The following OR5C1 variants were observed in gnomAD, a reference collection of about 807,000 sequenced individuals.
OR5C1 encodes olfactory receptor 5C1.
For missense variants in OR5C1, 433 were observed against 426.5 expected, an observed-to-expected ratio of 1.02 and a Z score of -0.13; for synonymous variants, 184 against 181.5, an observed-to-expected ratio of 1.01 and a Z score of -0.11.
At position 122,789,588 on chromosome 9, in the gene OR5C1, C is replaced by T. The variant is rs772591814; in HGVS notation, c.656C>T (p.Thr219Met). Reference sequence around the variant, plus strand: ...CAGACAGCCACGGTGTTAGCTATCACGGTGTCTTATGGCTTCATCGCTGGG... The same window carrying T: ...CAGACAGCCACGGTGTTAGCTATCATGGTGTCTTATGGCTTCATCGCTGGG... ...FIQTATVLAI[T>M]VSYGFIAGAV... Residue 219 changes from threonine to methionine, a missense_variant, in exon 1 of 1, where the codon ACG becomes ATG. Physicochemically the swap from Thr to Met is moderately conservative, Grantham distance 81 (BLOSUM62 -1). Coordinates refer to ENST00000373680, the MANE Select transcript of OR5C1 (RefSeq NM_001001923.1). 45 of 1,613,892 alleles carry T rather than the reference C, an allele frequency of 2.8e-5. No individual in the cohort carries two copies. Among genetic ancestry groups the T allele is most frequent in the South Asian group, 1.9e-4 (17 of 91,062 alleles).
Position 122,789,399 on chromosome 9 carries a change from G to T in OR5C1, c.467G>T (p.Gly156Val). ...LALLGASGLG[G>V]AVSAFVHTTL... ...TTGCTGGGAGCATCAGGCCTGGGTG[G>T]GGCAGTGAGTGCCTTTGTTCACACA... is the stretch of plus-strand genomic sequence containing the variant. Residue 156 changes from glycine (G) to valine (V), a missense_variant, in exon 1 of 1, where the codon GGG becomes GTG. Transcript: ENST00000373680. The T allele has an allele frequency of 6.2e-7, 1 of 1,612,888 alleles. No individual in the cohort carries two copies. Among genetic ancestry groups the T allele is most frequent in the Admixed American group, 1.7e-5 (1 of 59,962 alleles).
rs749514046 is a variant in OR5C1, at chr9:122,788,980, C to A, written c.48C>A (p.Phe16Leu). Reference protein sequence around the residue: ...LTRAAVAPAEFVLLGITNRWD... With the variant: ...LTRAAVAPAELVLLGITNRWD... Reference sequence around the variant, plus strand: ...GGGCCGCGGTTGCCCCTGCTGAATTCGTCCTCCTGGGCATCACAAATCGCT... The same window carrying A: ...GGGCCGCGGTTGCCCCTGCTGAATTAGTCCTCCTGGGCATCACAAATCGCT... The change falls in exon 1 of 1, where the codon TTC (phenylalanine) becomes TTA (leucine). Residue 16 changes from phenylalanine (F) to leucine (L), a missense_variant. By Grantham distance (22) the Phe-to-Leu change is conservative. Transcript: ENST00000373680. The A allele has an allele frequency of 6.2e-7, 1 of 1,604,102 alleles. No individual in the cohort carries two copies. The highest frequency in any genetic ancestry group is 8.5e-7 in the Non-Finnish European group (1 of 1,174,812).
chr9:122,789,399 G>C lies in OR5C1; in HGVS notation c.467G>C (p.Gly156Ala). ...TTGCTGGGAGCATCAGGCCTGGGTG[G>C]GGCAGTGAGTGCCTTTGTTCACACA... ...LALLGASGLG[G>A]AVSAFVHTTL... Residue 156 changes from glycine to alanine, a missense_variant, in exon 1 of 1, where the codon GGG becomes GCG. By Grantham distance (60) the Gly-to-Ala change is moderately conservative. Coordinates refer to ENST00000373680, the MANE Select transcript of OR5C1 (RefSeq NM_001001923.1). 6.2e-7 allele frequency: 1 copy of C among 1,612,888 alleles called. No individual in the cohort carries two copies. Among genetic ancestry groups the C allele is most frequent in the Non-Finnish European group, 8.5e-7 (1 of 1,179,138 alleles).
At position 122,789,558 on chromosome 9, in the gene OR5C1, T is replaced by C; in HGVS notation, c.626T>C (p.Phe209Ser). 6.2e-7 allele frequency: 1 copy of C among 1,614,108 alleles called. No individual in the cohort carries two copies. Among genetic ancestry groups the C allele is most frequent in the Non-Finnish European group, 8.5e-7 (1 of 1,179,968 alleles). The change falls in exon 1 of 1, where the codon TTC becomes TCC. Residue 209 changes from phenylalanine (F) to serine (S), a missense_variant. Physicochemically the swap from Phe to Ser is radical, Grantham distance 155. Coordinates refer to ENST00000373680, the MANE Select transcript of OR5C1 (RefSeq NM_001001923.1). Reference sequence around the variant, plus strand: ...CTCCTTCTCTTCGCCATCTGTGGCTTCATCCAGACAGCCACGGTGTTAGCT... The same window carrying C: ...CTCCTTCTCTTCGCCATCTGTGGCTCCATCCAGACAGCCACGGTGTTAGCT... Reference protein sequence around the residue: ...NELLLFAICGFIQTATVLAIT... With the variant: ...NELLLFAICGSIQTATVLAIT...
chr9:122,789,734 T>C lies in OR5C1; in HGVS notation c.802T>C (p.Ser268Pro). 6.2e-7 allele frequency: 1 copy of C among 1,609,392 alleles called. No homozygotes were observed. Among genetic ancestry groups the C allele is most frequent in the Non-Finnish European group, 8.5e-7 (1 of 1,177,566 alleles). Residue 268 changes from serine (S) to proline (P), a missense_variant, in exon 1 of 1, where the codon TCC becomes CCC. Coordinates refer to ENST00000373680, the MANE Select transcript of OR5C1 (RefSeq NM_001001923.1). Reference sequence around the variant, plus strand: ...CATTTTCATGTACCTGCGCCCCAGCTCCAGCTATGCCCTGGACACTGACAA... The same window carrying C: ...CATTTTCATGTACCTGCGCCCCAGCCCCAGCTATGCCCTGGACACTGACAA... ...TLIFMYLRPS[S>P]SYALDTDKMA... is the part of the protein sequence containing the mutation.
Position 122,789,124 on chromosome 9 carries a change from C to A in OR5C1, c.192C>A (p.Tyr64Ter). ...RMDARLHTPMYFFLANLSLLD... is the reference protein window; with the variant it reads ...RMDARLHTPM ...ATGCCCGGCTCCACACACCTATGTA[C>A]TTCTTCCTGGCCAACCTCTCCCTGC... is the stretch of plus-strand genomic sequence containing the variant. Residue 64 changes from tyrosine (Y) to a stop codon, truncating the protein, a stop_gained, in exon 1 of 1, where the codon TAC (tyrosine) becomes TAA (stop). Coordinates refer to ENST00000373680, the MANE Select transcript of OR5C1 (RefSeq NM_001001923.1). LOFTEE classifies it low-confidence loss of function (END_TRUNC). The A allele has an allele frequency of 1.2e-6, 2 of 1,613,584 alleles. No homozygotes were observed. Among genetic ancestry groups the A allele is most frequent in the Non-Finnish European group, 1.7e-6 (2 of 1,179,728 alleles).
Position 122,789,436 on chromosome 9 carries a change from C to T in OR5C1, c.504C>T (p.Phe168=). The change falls in exon 1 of 1, where the codon TTC becomes TTT. Residue 168 remains phenylalanine (F), a synonymous_variant. Coordinates refer to ENST00000373680, the MANE Select transcript of OR5C1 (RefSeq NM_001001923.1). ...CCTTTGTTCACACAACCCTCACCTT[C>T]CGCCTGAGCTTCTGCCGCTCCCGGA... The part of the protein sequence containing the change: ...VSAFVHTTLT[F]RLSFCRSRKI... 6.2e-7 allele frequency: 1 copy of T among 1,613,666 alleles called. No individual in the cohort carries two copies. The highest frequency in any genetic ancestry group is 8.5e-7 in the Non-Finnish European group (1 of 1,179,732).
At position 122,789,313 on chromosome 9, in the gene OR5C1, C is replaced by T. The variant is rs773564307; in HGVS notation, c.381C>T (p.Tyr127=). ...TGGCAGCCATGGCCTATGACCGCTACGTGGCCATCAGAAACCCACTTCTCT... is the reference window on the plus strand; with the variant it reads ...TGGCAGCCATGGCCTATGACCGCTATGTGGCCATCAGAAACCCACTTCTCT... The part of the protein sequence containing the change: ...CLLAAMAYDR[Y]VAIRNPLLYT... Residue 127 remains tyrosine, a synonymous_variant, in exon 1 of 1, where the codon TAC becomes TAT. Transcript: ENST00000373680. 2.7e-5 allele frequency: 43 copies of T among 1,614,082 alleles called. No homozygotes were observed. The highest frequency in any genetic ancestry group is 1.8e-4 in the Admixed American group (11 of 60,022).
rs764398782 is a variant in OR5C1, at chr9:122,789,864, G to A, written c.932G>A (p.Arg311Gln). 21 of 1,562,996 alleles carry A rather than the reference G, an allele frequency of 1.3e-5. No homozygotes were observed. Among genetic ancestry groups the A allele is most frequent in the South Asian group, 3.7e-5 (3 of 80,298 alleles). The change falls in exon 1 of 1, where the codon CGA (arginine) becomes CAA (glutamine). Residue 311 changes from arginine to glutamine, a missense_variant. Transcript: ENST00000373680. The stretch of plus-strand genomic sequence containing the variant: ...GAGGCCCTCAGGCAGACCTGGAGCC[G>A]ATTCCACTGTCCAGGGCAGGGGTCC... ...VKEALRQTWS[R>Q]FHCPGQGSQ
chr9:122,789,853 G>C lies in OR5C1; in HGVS notation c.921G>C (p.Gln307His). 12 of 1,571,530 alleles carry C rather than the reference G, an allele frequency of 7.6e-6. No homozygotes were observed. The highest frequency in any genetic ancestry group is 1.0e-5 in the Non-Finnish European group (12 of 1,161,432). The change falls in exon 1 of 1, where the codon CAG (glutamine) becomes CAC (histidine). Residue 307 changes from glutamine (Q) to histidine (H), a missense_variant. By Grantham distance (24) the Gln-to-His change is conservative. Coordinates refer to ENST00000373680, the MANE Select transcript of OR5C1 (RefSeq NM_001001923.1). ...RNKEVKEALR[Q>H]TWSRFHCPGQ... ...AGGAGGTCAAGGAGGCCCTCAGGCAGACCTGGAGCCGATTCCACTGTCCAG... is the reference window on the plus strand; with the variant it reads ...AGGAGGTCAAGGAGGCCCTCAGGCACACCTGGAGCCGATTCCACTGTCCAG...
In OR5C1 at chr9:122,789,741, A is replaced by T; in HGVS notation, c.809A>T (p.Tyr270Phe). 1 of 1,610,910 alleles carries T rather than the reference A, an allele frequency of 6.2e-7. No individual in the cohort carries two copies. The highest frequency in any genetic ancestry group is 1.7e-5 in the Admixed American group (1 of 59,812). ...ATGTACCTGCGCCCCAGCTCCAGCT[A>T]TGCCCTGGACACTGACAAGATGGCC... ...IFMYLRPSSS[Y>F]ALDTDKMASV... The change falls in exon 1 of 1, where the codon TAT becomes TTT. Residue 270 changes from tyrosine (Y) to phenylalanine (F), a missense_variant. Transcript: ENST00000373680.
In OR5C1 at chr9:122,789,596, TATGGCTTC is replaced by T; in HGVS notation, c.667_674del (p.Gly223ArgfsTer50). 6.2e-7 allele frequency: 1 copy of T among 1,613,954 alleles called. No homozygotes were observed. Among genetic ancestry groups the T allele is most frequent in the Non-Finnish European group, 8.5e-7 (1 of 1,179,834 alleles). On this transcript the variant is annotated frameshift_variant, in exon 1 of 1. Transcript: ENST00000373680. LOFTEE classifies it low-confidence loss of function (END_TRUNC). ...CACGGTGTTAGCTATCACGGTGTCT[TATGGCTTC>T]ATCGCTGGGGCTGTGATCCACATGC...
In OR5C1 at chr9:122,788,977, A is replaced by G; in HGVS notation, c.45A>G (p.Glu15=). The change falls in exon 1 of 1, where the codon GAA becomes GAG. Residue 15 remains glutamate, a synonymous_variant. Transcript: ENST00000373680. ...CCCGGGCCGCGGTTGCCCCTGCTGA[A>G]TTCGTCCTCCTGGGCATCACAAATC... ...NLTRAAVAPA[E]FVLLGITNRW... 6.2e-7 allele frequency: 1 copy of G among 1,603,470 alleles called. No individual in the cohort carries two copies. Among genetic ancestry groups the G allele is most frequent in the Non-Finnish European group, 8.5e-7 (1 of 1,174,518 alleles).
At position 122,789,031 on chromosome 9, in the gene OR5C1, G is replaced by T; in HGVS notation, c.99G>T (p.Leu33=). 6.2e-7 allele frequency: 1 copy of T among 1,614,004 alleles called. No individual in the cohort carries two copies. The highest frequency in any genetic ancestry group is 8.5e-7 in the Non-Finnish European group (1 of 1,179,946). The change falls in exon 1 of 1, where the codon CTG becomes CTT. Residue 33 remains leucine, a synonymous_variant. Transcript: ENST00000373680. ...GGGACCTGCGTGTGGCCCTCTTCCT[G>T]ACCTGCCTGCCTGTCTACCTGGTGA... The part of the protein sequence containing the change: ...NRWDLRVALF[L]TCLPVYLVSL...
rs959110297 is a variant in OR5C1, at chr9:122,789,235, T to C, written c.303T>C (p.Cys101=). 2.5e-6 allele frequency: 4 copies of C among 1,614,084 alleles called. No homozygotes were observed. The highest frequency in any genetic ancestry group is 3.4e-6 in the Non-Finnish European group (4 of 1,180,018). ...GAGCCACCATCCCTTACACAGCCTG[T>C]GCCCTCCAGATGTTTGTCTTTGCAG... ...LPRATIPYTA[C]ALQMFVFAGL... The change falls in exon 1 of 1, where the codon TGT becomes TGC. Residue 101 remains cysteine (C), a synonymous_variant. Transcript: ENST00000373680.
rs1829226719 is a variant in OR5C1, at chr9:122,789,093, G to T, written c.161G>T (p.Arg54Leu). The T allele has an allele frequency of 6.2e-7, 1 of 1,613,728 alleles. No homozygotes were observed. The highest frequency in any genetic ancestry group is 8.5e-7 in the Non-Finnish European group (1 of 1,179,790). ...LGNMGMALLI[R>L]MDARLHTPMY... ...AACATGGGCATGGCGCTGCTGATCC[G>T]CATGGATGCCCGGCTCCACACACCT... Residue 54 changes from arginine to leucine, a missense_variant, in exon 1 of 1, where the codon CGC becomes CTC. Coordinates refer to ENST00000373680, the MANE Select transcript of OR5C1 (RefSeq NM_001001923.1).
Position 122,788,969 on chromosome 9 carries a change from C to T in OR5C1, c.37C>T (p.Pro13Ser). ...SENLTRAAVA[P>S]AEFVLLGITN... ...GAACCTCACCCGGGCCGCGGTTGCC[C>T]CTGCTGAATTCGTCCTCCTGGGCAT... The change falls in exon 1 of 1, where the codon CCT becomes TCT. Residue 13 changes from proline (P) to serine (S), a missense_variant. Pro to Ser is a moderately conservative substitution (Grantham distance 74). Transcript: ENST00000373680. The T allele has an allele frequency of 6.3e-7, 1 of 1,599,432 alleles. No individual in the cohort carries two copies. The highest frequency in any genetic ancestry group is 8.5e-7 in the Non-Finnish European group (1 of 1,172,516).
Position 122,789,703 on chromosome 9 carries a change from G to T in OR5C1, c.771G>T (p.Gly257=), listed in dbSNP as rs894684316. Residue 257 remains glycine (G), a synonymous_variant, in exon 1 of 1, where the codon GGG becomes GGT. Transcript: ENST00000373680. ...TCACAGCCGTGGCCATGATGTACGG[G>T]ACACTCATTTTCATGTACCTGCGCC... ...SHLTAVAMMY[G]TLIFMYLRPS... is the part of the protein sequence containing the mutation. 1.9e-6 allele frequency: 3 copies of T among 1,605,328 alleles called. No homozygotes were observed. Among genetic ancestry groups the T allele is most frequent in the African/African-American group, 1.3e-5 (1 of 74,830 alleles).
chr9:122,789,872 T>G lies in OR5C1; in HGVS notation c.940T>G (p.Cys314Gly). Residue 314 changes from cysteine (C) to glycine (G), a missense_variant, in exon 1 of 1, where the codon TGT (cysteine) becomes GGT (glycine). Cys to Gly is a radical substitution (Grantham distance 159). Transcript: ENST00000373680. ...ALRQTWSRFH[C>G]PGQGSQ ...CAGGCAGACCTGGAGCCGATTCCAC[T>G]GTCCAGGGCAGGGGTCCCAGTGATT... is the stretch of plus-strand genomic sequence containing the variant. 6.5e-7 allele frequency: 1 copy of G among 1,542,422 alleles called. No individual in the cohort carries two copies.
Sources: allele counts gnomAD v4.1 joint callset, GRCh38; gene constraint gnomAD v4.1.1; transcripts MANE v1.5; gene names NCBI Gene and HGNC (gene_info 2026-07-23, HGNC 2026-07-21).